DPP10: variants seen among roughly 807,000 people sequenced by gnomAD.
DPP10 encodes the protein dipeptidyl peptidase like 10, also known as inactive dipeptidyl peptidase 10.
DPP10 carries 33 observed loss-of-function variants against 120.9 expected under a neutral mutation model. That is an observed-to-expected ratio of 0.27 (90% CI 0.21 to 0.37). The LOEUF is 0.37. DPP10 is among the 10% of genes least tolerant of loss of function. The pLI, the probability that DPP10 is intolerant of heterozygous loss-of-function variation, is 1.00. For synonymous variants in DPP10, 337 were observed against 326.1 expected, an observed-to-expected ratio of 1.03 and a Z score of -0.36; for missense variants, 816 against 942.8, an observed-to-expected ratio of 0.87 and a Z score of 1.76.
At chr2:115,350,136 G>A (rs974486677) in intron 3 of DPP10, among the ~76,000 whole-genome samples, 7 of 151,900 alleles carry the variant, frequency 4.6e-5, no homozygotes, top group Non-Finnish European at 8.8e-5. Context: ...AAATCAATTT[G>A]CATCTTTTTA....
chr2:115,394,148 GT>G (rs1430859569), intron 3 of DPP10, among the ~76,000 whole-genome samples: 1 of 152,120 alleles, frequency 6.6e-6, no homozygotes, highest in Non-Finnish European at 1.5e-5. Flanking sequence ...ATACAACAAA[GT>G]GTTTTAAGTG....
chr2:114,603,021 A>C (rs1410442181), intron 1 of DPP10, among the ~76,000 whole-genome samples: 1 of 152,062 alleles, frequency 6.6e-6, no homozygotes, highest in South Asian at 2.1e-4. Flanking sequence ...AAATGTCAGA[A>C]GACTACATGC....
chr2:115,228,204 A>G (rs886546387), intron 1 of DPP10, among the ~76,000 whole-genome samples: 4 of 151,790 alleles, frequency 2.6e-5, no homozygotes, highest in South Asian at 2.1e-4. Flanking sequence ...GTCTTGGCCT[A>G]CCAAAGTACT....
intron 4 of DPP10, among the ~76,000 whole-genome samples, chr2:115,522,988 A>G (rs2077907161): frequency 6.6e-6 from 1 of 152,262 alleles, no homozygotes; most frequent in South Asian, 2.1e-4. Flanking sequence ...GCATACACTA[A>G]GAGGGATTGA....
intron 1 of DPP10, among the ~76,000 whole-genome samples, chr2:114,633,725 T>G (rs2105389428): frequency 6.6e-6 from 1 of 151,920 alleles, no homozygotes; most frequent in Non-Finnish European, 1.5e-5. Context: ...GCAATTCTCC[T>G]GCCTCAGCCT....
intron 7 of DPP10, among the ~76,000 whole-genome samples, chr2:115,720,981 C>T (rs540020835): frequency 5.9e-5 from 9 of 152,198 alleles, no homozygotes; most frequent in Admixed American, 2.6e-4. Context: ...TTCTATTAGG[C>T]AGGGAAGAAG....
intron 3 of DPP10, among the ~76,000 whole-genome samples, chr2:115,408,160 G>C (rs901221219): frequency 6.6e-6 from 1 of 152,084 alleles, no homozygotes; most frequent in Non-Finnish European, 1.5e-5. Context: ...TTAGGTGATA[G>C]GAGTATCTGC....
At chr2:114,880,221 T>C (rs1691495296) in intron 1 of DPP10, among the ~76,000 whole-genome samples, 2 of 152,182 alleles carry the variant, frequency 1.3e-5, no homozygotes, top group Admixed American at 1.3e-4. Context: ...TTAGCTTACG[T>C]GTTAATCATT....
At chr2:115,069,153 A>G (rs1707163846) in intron 1 of DPP10, among the ~76,000 whole-genome samples, 1 of 152,098 alleles carries the variant, frequency 6.6e-6, no homozygotes, top group African/African-American at 2.4e-5. Flanking sequence ...ATTTTTAACA[A>G]TATAGATTCT....
chr2:115,087,132 A>T (rs1313135590), intron 1 of DPP10, among the ~76,000 whole-genome samples: 1 of 152,090 alleles, frequency 6.6e-6, no homozygotes, highest in Non-Finnish European at 1.5e-5. Flanking sequence ...TCACTCTCTC[A>T]TGTTACCATT....
chr2:114,860,200 G>T (rs1016451074), intron 1 of DPP10, among the ~76,000 whole-genome samples: 6 of 152,088 alleles, frequency 3.9e-5, no homozygotes, highest in East Asian at 1.9e-4. Context: ...TTAAATGTGG[G>T]CTCTATCTAT....
intron 1 of DPP10, among the ~76,000 whole-genome samples, chr2:114,665,435 A>G (rs1452189866): frequency 2.0e-5 from 3 of 152,002 alleles, no homozygotes; most frequent in East Asian, 1.9e-4. Flanking sequence ...AATGCCGCCT[A>G]TGACTGCTAC....
intron 5 of DPP10, among the ~76,000 whole-genome samples, chr2:115,558,546 G>A (rs1485145032): frequency 6.6e-6 from 1 of 152,104 alleles, no homozygotes; most frequent in East Asian, 1.9e-4. Context: ...AAGCAATCAG[G>A]GGCATCCTGA....
intron 1 of DPP10, among the ~76,000 whole-genome samples, chr2:115,038,641 A>G (rs558176575): frequency 3.1e-4 from 47 of 152,288 alleles, no homozygotes; most frequent in African/African-American, 1.1e-3. Context: ...AAATAATAAT[A>G]AAAGCAAATA....
rs1179227693 is a variant in DPP10 at position 115,806,861 on chromosome 2, A to G, written c.1701-7932A>G. On this transcript the variant is annotated intron_variant, in intron 19 of 25. Transcript: ENST00000410059. ...ATTGCCCCCCCACCCCCAGTTCCTG[A>G]AGCAAGCATGTAGAATATTTTCCAT... Among the ~76,000 whole-genome samples, 6 of 151,620 alleles carry G rather than the reference A, an allele frequency of 4.0e-5. No homozygotes were observed. In the South Asian group the frequency reaches 1.3e-3, roughly 32 times the overall value.
At chr2:115,280,980 G>T (rs1295968625) in intron 1 of DPP10, among the ~76,000 whole-genome samples, 1 of 152,172 alleles carries the variant, frequency 6.6e-6, no homozygotes, top group Non-Finnish European at 1.5e-5. Context: ...GTATGGAGAT[G>T]AAACTGGAAT....
rs1168734237 is a variant in DPP10 at position 115,675,666 on chromosome 2, C to A, written c.442-14021C>A. 2.0e-5 allele frequency among the ~76,000 whole-genome samples: 3 copies of A among 152,160 alleles called. No homozygotes were observed. In the East Asian group the frequency reaches 5.8e-4, roughly 29 times the overall value. Reference sequence around the variant, plus strand: ...TGACAACAGATACCTGCAATTCTAGCTATAGTAGAGCCCCTCAGGCCTCAT... The same window carrying A: ...TGACAACAGATACCTGCAATTCTAGATATAGTAGAGCCCCTCAGGCCTCAT... On this transcript the variant is annotated intron_variant, in intron 5 of 25. Coordinates refer to ENST00000410059, the MANE Select transcript of DPP10 (RefSeq NM_020868.6).
chr2:114,692,595 CT>C (rs1243945530), intron 1 of DPP10, among the ~76,000 whole-genome samples: 2 of 152,064 alleles, frequency 1.3e-5, no homozygotes, highest in Non-Finnish European at 2.9e-5. Flanking sequence ...TATATCAGGT[CT>C]GCTTGATCCA....
intron 3 of DPP10, among the ~76,000 whole-genome samples, chr2:115,465,373 A>T (rs1463756571): frequency 1.3e-5 from 2 of 152,202 alleles, no homozygotes; most frequent in Admixed American, 1.3e-4. Flanking sequence ...ACTTTAAAAG[A>T]TCTATATTTT....
Sources: gnomAD v4.1 joint callset for allele counts (sites outside exome capture counted in the v4.1 genomes callset) on GRCh38, gnomAD v4.1.1 for gene constraint, MANE v1.5 for transcripts, NCBI Gene and HGNC (gene_info 2026-07-23, HGNC 2026-07-21) for gene names.